The following KPNA3 variants were observed in gnomAD, a reference collection of about 807,000 sequenced individuals.
KPNA3 encodes the protein importin subunit alpha-4.
A neutral mutation model predicts 73.8 loss-of-function variants in KPNA3; 13 were observed. That is an observed-to-expected ratio of 0.18 (90% CI 0.11 to 0.28). The LOEUF is 0.28. Among genes scored for constraint, KPNA3 ranks in the 10% least tolerant of loss-of-function variants. The pLI is 1.00. For missense variants in KPNA3, 360 were observed against 618.1 expected, an observed-to-expected ratio of 0.58 and a Z score of 4.43; for synonymous variants, 186 against 206.9, an observed-to-expected ratio of 0.90 and a Z score of 0.87.
intron 1 of KPNA3, among the ~76,000 whole-genome samples, chr13:49,771,134 AAG>A (rs1427206013): frequency 1.5e-4 from 23 of 151,302 alleles, no homozygotes; most frequent in Non-Finnish European, 2.5e-4. Flanking sequence ...AAAAAAAAAA[AAG>A]AAGAGGAAGA....
chr13:49,729,523 G>A (rs562797491), intron 6 of KPNA3, among the ~76,000 whole-genome samples: 8 of 152,282 alleles, frequency 5.3e-5, no homozygotes, highest in African/African-American at 1.7e-4. Flanking sequence ...GGTGGCTCAC[G>A]CCTGTAATCC....
chr13:49,720,620 G>A (rs2137543234), intron 9 of KPNA3, among the ~76,000 whole-genome samples: 1 of 151,698 alleles, frequency 6.6e-6, no homozygotes, highest in South Asian at 2.1e-4. Flanking sequence ...GCCTGGCATG[G>A]TGGCACATGC....
At chr13:49,778,756 A>G (rs1052503093) in intron 1 of KPNA3, among the ~76,000 whole-genome samples, 51 of 152,218 alleles carry the variant, frequency 3.4e-4, no homozygotes, top group Non-Finnish European at 7.2e-4. Context: ...TACGGTTGTG[A>G]ACCACCATGC....
chr13:49,756,015 C>T (rs1954708294), intron 1 of KPNA3, among the ~76,000 whole-genome samples: 1 of 152,170 alleles, frequency 6.6e-6, no homozygotes, highest in Non-Finnish European at 1.5e-5. Flanking sequence ...CATCTGTAAT[C>T]CCAGCACTTC....
intron 2 of KPNA3, among the ~76,000 whole-genome samples, chr13:49,734,976 C>G (rs2137557621): frequency 2.7e-5 from 2 of 72,926 alleles, no homozygotes; most frequent in Non-Finnish European, 3.8e-5. Context: ...GAGAGAGAGA[C>G]ATTCTATTAG....
chr13:49,735,783 T>G (rs1044239025), intron 2 of KPNA3, among the ~76,000 whole-genome samples: 1 of 152,178 alleles, frequency 6.6e-6, no homozygotes, highest in Non-Finnish European at 1.5e-5. Context: ...GATCTTCTGT[T>G]TTTTACTAGG....
In KPNA3 at chr13:49,727,340, C is replaced by T. The variant is rs373348914; in HGVS notation, c.384-1839G>A. On this transcript the variant is annotated intron_variant, in intron 6 of 16. Coordinates refer to ENST00000261667, the MANE Select transcript of KPNA3 (RefSeq NM_002267.4). ...GTGCGTGCCTATAATCCCAGCTGCT[C>T]GGGAGGCTGAGGCAGGAGAATCCCT... Among the ~76,000 whole-genome samples, 176 of 150,204 alleles carry T rather than the reference C, an allele frequency of 1.2e-3. 1 individual carries two copies. Among genetic ancestry groups the T allele is most frequent in the African/African-American group, 4.1e-3 (168 of 40,892 alleles).
At chr13:49,714,076 C>G (rs1037100066) in intron 10 of KPNA3, among the ~76,000 whole-genome samples, 1 of 152,094 alleles carries the variant, frequency 6.6e-6, no homozygotes, top group East Asian at 1.9e-4. Flanking sequence ...TTATTTAAAA[C>G]AGTGATTAAA....
At chr13:49,728,004 G>A (rs1368193387) in intron 6 of KPNA3, among the ~76,000 whole-genome samples, 1 of 152,168 alleles carries the variant, frequency 6.6e-6, no homozygotes, top group African/African-American at 2.4e-5. Flanking sequence ...AGGAGGCTGA[G>A]GCAGGCGGAT....
At chr13:49,728,481 A>G (rs1954432219) in intron 6 of KPNA3, among the ~76,000 whole-genome samples, 1 of 152,204 alleles carries the variant, frequency 6.6e-6, no homozygotes, top group South Asian at 2.1e-4. Context: ...GTGCCCAGAT[A>G]AGCCGTAGAC....
intron 1 of KPNA3, among the ~76,000 whole-genome samples, chr13:49,785,856 G>A (rs1035471177): frequency 4.6e-5 from 7 of 152,136 alleles, no homozygotes; most frequent in African/African-American, 1.4e-4. Context: ...ATGGATGGTC[G>A]TTAAGCACCT....
chr13:49,705,963 G>T, intron 14 of KPNA3, 135 bp downstream of exon 14: 1 of 999,340 alleles, frequency 1.0e-6, no homozygotes, highest in Non-Finnish European at 1.5e-6. Flanking sequence ...AACATAGTGA[G>T]ACTCCATCTC....
chr13:49,720,390 G>C (rs1345520924), intron 9 of KPNA3, among the ~76,000 whole-genome samples: 3 of 152,180 alleles, frequency 2.0e-5, no homozygotes, highest in African/African-American at 7.2e-5. Flanking sequence ...GCAGGGGGTT[G>C]TAGGAAATCA....
At chr13:49,782,307 A>G (rs1954947200) in intron 1 of KPNA3, among the ~76,000 whole-genome samples, 1 of 152,188 alleles carries the variant, frequency 6.6e-6, no homozygotes, top group African/African-American at 2.4e-5. Flanking sequence ...TGTTATTCAT[A>G]CTATTTTTCT....
chr13:49,732,640 G>C lies in KPNA3; in HGVS notation c.252C>G (p.Asn84Lys), dbSNP rs1954480653. ...EAILQNATSD[N>K]PVVQLSAVQA... ...GGACAGCACTCAATTGGACCACTGG[G>C]TTATCACTTGTGGCATTCTGCAATA... Residue 84 changes from asparagine (N) to lysine (K), a missense_variant, in exon 5 of 17, where the codon AAC becomes AAG. Around this residue, in one of 3 missense-constraint regions of KPNA3, gnomAD observed 287 missense variants for 549.1 expected, o/e 0.52. Coordinates refer to ENST00000261667, the MANE Select transcript of KPNA3 (RefSeq NM_002267.4). The C allele has an allele frequency of 6.8e-6, 11 of 1,610,684 alleles. No individual in the cohort carries two copies. The highest frequency in any genetic ancestry group is 9.3e-6 in the Non-Finnish European group (11 of 1,178,208).
chr13:49,757,143 G>T (rs1260082873), intron 1 of KPNA3, among the ~76,000 whole-genome samples: 1 of 152,030 alleles, frequency 6.6e-6, no homozygotes, highest in Admixed American at 6.6e-5. Flanking sequence ...TCTTAAACTT[G>T]ACCGTAAAAA....
chr13:49,769,775 C>A (rs1171950635), intron 1 of KPNA3, among the ~76,000 whole-genome samples: 3 of 152,158 alleles, frequency 2.0e-5, no homozygotes, highest in Non-Finnish European at 4.4e-5. Context: ...TGGACACATA[C>A]CTAAGAATAA....
chr13:49,731,142 T>C (rs1566342332), intron 6 of KPNA3, among the ~76,000 whole-genome samples: 1 of 150,858 alleles, frequency 6.6e-6, no homozygotes, highest in Non-Finnish European at 1.5e-5. Flanking sequence ...TGGCATGATA[T>C]TGGCTCAGGA....
intron 1 of KPNA3, among the ~76,000 whole-genome samples, chr13:49,752,163 A>G (rs1295583216): frequency 6.6e-6 from 1 of 152,234 alleles, no homozygotes; most frequent in Non-Finnish European, 1.5e-5. Context: ...ACACATCAAC[A>G]TTGTTAAGTA....
Sources: gnomAD v4.1 joint callset for allele counts (sites outside exome capture counted in the v4.1 genomes callset) on GRCh38, gnomAD v4.1.1 for gene constraint, gnomAD v4.1.1 regional missense constraint, MANE v1.5 for transcripts, NCBI Gene and HGNC (gene_info 2026-07-23, HGNC 2026-07-21) for gene names.